Variants in ATF2 observed in about 807,000 individuals in gnomAD.
ATF2 encodes activating transcription factor 2.
ATF2 carries 24 observed loss-of-function variants against 60.6 expected under a neutral mutation model. The observed-to-expected ratio is 0.40, with a 90% CI of 0.29 to 0.56. The LOEUF is 0.56. ATF2 is among the 20% of genes least tolerant of loss of function. The pLI, the probability that ATF2 is intolerant of heterozygous loss-of-function variation, is 0.54. For missense variants in ATF2, 433 were observed against 607.7 expected, an observed-to-expected ratio of 0.71 and a Z score of 3.02; for synonymous variants, 206 against 215.4, an observed-to-expected ratio of 0.96 and a Z score of 0.38.
chr2:175,100,689 GTTCCTC>G (rs1465125366), intron 10 of ATF2, among the ~76,000 whole-genome samples: 1 of 152,218 alleles, frequency 6.6e-6, no homozygotes, highest in Non-Finnish European at 1.5e-5. Context: ...GTCATAGCCT[GTTCCTC>G]TTCCTTATTT....
chr2:175,106,182 A>G (rs1695650281), intron 10 of ATF2, among the ~76,000 whole-genome samples: 2 of 152,178 alleles, frequency 1.3e-5, no homozygotes, highest in South Asian at 4.1e-4. Context: ...AAGAAAATAG[A>G]CAGTAGAAAT....
At chr2:175,088,639 T>C (rs2105571790) in intron 12 of ATF2, among the ~76,000 whole-genome samples, 1 of 152,064 alleles carries the variant, frequency 6.6e-6, no homozygotes, top group East Asian at 2.0e-4. Flanking sequence ...CGATTCTGTT[T>C]GCACCAACCT....
chr2:175,109,004 A>C (rs1227744427), intron 10 of ATF2, among the ~76,000 whole-genome samples: 4 of 152,020 alleles, frequency 2.6e-5, no homozygotes, highest in Non-Finnish European at 4.4e-5. Context: ...ACCACTCCCT[A>C]ATCTCAAGTA....
intron 2 of ATF2, among the ~76,000 whole-genome samples, chr2:175,140,532 A>G (rs1698431037): frequency 6.6e-6 from 1 of 152,094 alleles, no homozygotes; most frequent in Non-Finnish European, 1.5e-5. Context: ...AAAACTTTTG[A>G]GGGTGACAAA....
At chr2:175,111,248 T>C (rs2105677139) in intron 10 of ATF2, among the ~76,000 whole-genome samples, 1 of 152,310 alleles carries the variant, frequency 6.6e-6, no homozygotes, top group Middle Eastern at 3.4e-3. Context: ...CAGCACTGCC[T>C]TCAGATGATC....
intron 13 of ATF2, among the ~76,000 whole-genome samples, chr2:175,075,756 C>T (rs571865687): frequency 6.6e-6 from 1 of 152,274 alleles, no homozygotes; most frequent in South Asian, 2.1e-4. Context: ...CCTGTCCTCA[C>T]CAAAGGTAAT....
At chr2:175,075,044 C>T in intron 13 of ATF2, 1 of 1,428,760 alleles carries the variant, frequency 7.0e-7, no homozygotes, top group Non-Finnish European at 9.2e-7. Flanking sequence ...ATGGAAACAT[C>T]TGGGTGCCCA....
chr2:175,073,482 C>T lies in ATF2; in HGVS notation c.*1127G>A, dbSNP rs190992180. On this transcript the variant is annotated 3_prime_UTR_variant, in exon 14 of 14. Transcript: ENST00000264110. ...AGACACACACACACGCGCACACACA[C>T]ACAGATACACACACACTCTCTCTCA... is the stretch of plus-strand genomic sequence containing the variant. 5 of 152,310 alleles carry T rather than the reference C, an allele frequency of 3.3e-5. No homozygotes were observed. The highest frequency in any genetic ancestry group is 2.0e-4 in the Admixed American group (3 of 15,260). 9.4% of individuals were successfully genotyped at this position (152,310 alleles called of 1,614,324 possible).
At chr2:175,128,195 T>C (rs911336550) in intron 4 of ATF2, among the ~76,000 whole-genome samples, 7 of 151,920 alleles carry the variant, frequency 4.6e-5, no homozygotes, top group African/African-American at 1.7e-4. Context: ...TAAACCCGTA[T>C]TTTTTAAAAA....
intron 3 of ATF2, among the ~76,000 whole-genome samples, chr2:175,135,759 AAT>A (rs1291215009): frequency 6.6e-6 from 1 of 152,168 alleles, no homozygotes; most frequent in Non-Finnish European, 1.5e-5. Context: ...CCTACTTTTA[AAT>A]TTCGATTTAA....
intron 13 of ATF2, chr2:175,080,439 A>T: frequency 2.8e-6 from 1 of 354,616 alleles, no homozygotes; most frequent in Non-Finnish European, 5.1e-6. Context: ...GTTGATCTAT[A>T]GTAACGCTTA....
chr2:175,115,263 G>A (rs964641446), intron 7 of ATF2, among the ~76,000 whole-genome samples: 1 of 152,130 alleles, frequency 6.6e-6, no homozygotes, highest in African/African-American at 2.4e-5. Flanking sequence ...ACTGTATGAA[G>A]AGGAAACAGG....
intron 2 of ATF2, among the ~76,000 whole-genome samples, chr2:175,150,040 T>G (rs1196289885): frequency 1.3e-5 from 2 of 152,206 alleles, no homozygotes; most frequent in African/African-American, 2.4e-5. Flanking sequence ...TATTTTATGA[T>G]GACTGCTTCT....
intron 3 of ATF2, among the ~76,000 whole-genome samples, chr2:175,133,619 AATGTT>A (rs1482863358): frequency 3.3e-5 from 5 of 152,216 alleles, no homozygotes. Flanking sequence ...TCGTGACCTT[AATGTT>A]ATGTCAATTA....
At chr2:175,162,380 T>G (rs569531821) in intron 1 of ATF2, among the ~76,000 whole-genome samples, 1 of 152,334 alleles carries the variant, frequency 6.6e-6, no homozygotes, top group South Asian at 2.1e-4. Flanking sequence ...CACAAAAGTA[T>G]GGCAAAGCTA....
At chr2:175,129,932 G>A (rs928946532) in intron 4 of ATF2, among the ~76,000 whole-genome samples, 6 of 151,548 alleles carry the variant, frequency 4.0e-5, no homozygotes, top group East Asian at 1.9e-4. Flanking sequence ...CCCCCCCTCC[G>A]TATTGGATTA....
At chr2:175,098,067 G>C (rs1695054458) in intron 10 of ATF2, among the ~76,000 whole-genome samples, 1 of 152,126 alleles carries the variant, frequency 6.6e-6, no homozygotes, top group African/African-American at 2.4e-5. Context: ...AGCTTATTAT[G>C]CTATCAATAA....
At chr2:175,091,359 G>A (rs1559056029) in intron 12 of ATF2, among the ~76,000 whole-genome samples, 1 of 151,940 alleles carries the variant, frequency 6.6e-6, no homozygotes, top group South Asian at 2.1e-4. Context: ...AGAAGATTTT[G>A]TTAGTTAAGA....
At chr2:175,138,902 A>G (rs1427368261) in intron 2 of ATF2, among the ~76,000 whole-genome samples, 1 of 152,224 alleles carries the variant, frequency 6.6e-6, no homozygotes, top group Non-Finnish European at 1.5e-5. Context: ...AGCCAAAGGA[A>G]TATGAGCTTT....
Sources: allele counts gnomAD v4.1 joint callset (sites outside exome capture counted in the v4.1 genomes callset), GRCh38; gene constraint gnomAD v4.1.1; transcripts MANE v1.5; gene names NCBI Gene and HGNC (gene_info 2026-07-23, HGNC 2026-07-21).